The following RYR1 variants were observed in gnomAD, a reference collection of about 807,000 sequenced individuals.
RYR1 encodes the protein central core disease of muscle.
Under a neutral mutation model 583.5 loss-of-function variants are expected in RYR1, and 342 were observed. That is an observed-to-expected ratio of 0.59 (90% CI 0.54 to 0.64). RYR1 has a LOEUF of 0.64. RYR1 is among the 30% of genes least tolerant of loss of function. RYR1 has a pLI of 0.00. For synonymous variants in RYR1, 2,791 were observed against 2,822.5 expected (o/e 0.99, Z 0.35); for missense variants, 6,032 against 6,917.2 (o/e 0.87, Z 4.54).
At chr19:38,534,669 G>GCTGGGCTGGAAAGC in intron 78 of RYR1, 51 bp from the exon 79 acceptor site, 1 of 1,511,872 alleles carries the variant, frequency 6.6e-7, no homozygotes, top group Middle Eastern at 1.7e-4. Flanking sequence ...AGGGGGAAAG[G>GCTGGGCTGGAAAGC]CTGGGCTGGA....
Position 38,467,670 on chromosome 19 carries a change from A to G in RYR1, c.3239A>G (p.Tyr1080Cys). The part of the protein sequence containing the change: ...RVRIFRAEKS[Y>C]TVQSGRWYFE... ...CGCATCTTCCGGGCAGAGAAATCCT[A>G]TACAGTGCAGAGCGGCCGCTGGTAC... Residue 1080 changes from tyrosine (Y) to cysteine (C), a missense_variant, in exon 25 of 106, where the codon TAT (tyrosine) becomes TGT (cysteine). By Grantham distance (194) the Tyr-to-Cys change is radical (BLOSUM62 -2). This residue lies in a region of RYR1 where 2,627 missense variants were observed against 2,961.3 expected (regional missense o/e 0.89). Transcript: ENST00000359596. 2 of 1,614,178 alleles carry G rather than the reference A, an allele frequency of 1.2e-6. No homozygotes were observed. Among genetic ancestry groups the G allele is most frequent in the Non-Finnish European group, 1.7e-6 (2 of 1,180,034 alleles).
At position 38,535,982 on chromosome 19, in the gene RYR1, C is replaced by G; in HGVS notation, c.11517-15C>G. ...CTTCATCACATACCCCCTATCTTTC[C>G]TTTCTTTTCCTCAGCGTCCTGGATC... is the stretch of plus-strand genomic sequence containing the variant. On this transcript the variant is annotated splice_polypyrimidine_tract_variant and intron_variant, in intron 81 of 105. Transcript: ENST00000359596. 1 of 1,612,674 alleles carries G rather than the reference C, an allele frequency of 6.2e-7. No homozygotes were observed. The highest frequency in any genetic ancestry group is 8.5e-7 in the Non-Finnish European group (1 of 1,179,530).
intron 96 of RYR1, among the ~76,000 whole-genome samples, chr19:38,574,019 A>G (rs1200291599): frequency 6.6e-6 from 1 of 152,058 alleles, no homozygotes; most frequent in Non-Finnish European, 1.5e-5. Flanking sequence ...GTGGCAGATC[A>G]CTTGAGGTCA....
intron 84 of RYR1, among the ~76,000 whole-genome samples, chr19:38,542,981 G>T (rs557201117): frequency 1.3e-5 from 2 of 151,572 alleles, no homozygotes; most frequent in East Asian, 3.9e-4. Context: ...AGTTAGGATT[G>T]CAGGTGCCCA....
chr19:38,443,449 C>A, intron 3 of RYR1, 109 bp from the exon 4 acceptor site: 1 of 959,100 alleles, frequency 1.0e-6, no homozygotes, highest in Non-Finnish European at 1.6e-6. Flanking sequence ...TAGGCCTGAG[C>A]ATGGTATTTT....
intron 101 of RYR1, among the ~76,000 whole-genome samples, chr19:38,584,681 C>T (rs1015633696): frequency 2.3e-5 from 3 of 130,954 alleles, no homozygotes; most frequent in Admixed American, 1.5e-4. Flanking sequence ...TCTGCCTGTG[C>T]CCCCCATCCT....
Position 38,536,023 on chromosome 19 carries a change from G to A in RYR1, c.11543G>A (p.Arg3848Lys), listed in dbSNP as rs1452778797. The change falls in exon 82 of 106, where the codon AGA becomes AAA. Residue 3848 changes from arginine to lysine, a missense_variant. This residue lies in a region of RYR1 where 1,493 missense variants were observed against 1,715.5 expected (regional missense o/e 0.87). Transcript: ENST00000359596. ...GTCCTGGATCTCAATGCCTTTGAGAGACAGAACAAGGCCGAGGGGCTGGGC... is the reference window on the plus strand; with the variant it reads ...GTCCTGGATCTCAATGCCTTTGAGAAACAGAACAAGGCCGAGGGGCTGGGC... ...CSVLDLNAFE[R>K]QNKAEGLGMV... 5.0e-6 allele frequency: 8 copies of A among 1,613,948 alleles called. No homozygotes were observed. Among genetic ancestry groups the A allele is most frequent in the Non-Finnish European group, 6.8e-6 (8 of 1,179,986 alleles).
chr19:38,444,160 T>C lies in RYR1; in HGVS notation c.436T>C (p.Trp146Arg). The C allele has an allele frequency of 6.2e-7, 1 of 1,613,900 alleles. No homozygotes were observed. Among genetic ancestry groups the C allele is most frequent in the Non-Finnish European group, 8.5e-7 (1 of 1,179,832 alleles). Reference protein sequence around the residue: ...LQEDATGEACWWTMHPASKQR... With the variant: ...LQEDATGEACRWTMHPASKQR... ...ATCCCCACCCATAGGAGAGGCTTGC[T>C]GGTGGACCATGCACCCAGCCTCCAA... The change falls in exon 6 of 106, where the codon TGG (tryptophan) becomes CGG (arginine). Residue 146 changes from tryptophan (W) to arginine (R), a missense_variant. By Grantham distance (101) the Trp-to-Arg change is moderately radical (BLOSUM62 -3). Transcript: ENST00000359596. This position sits in a 1 kb window ranked among gnomAD's most constrained non-coding sequence, Gnocchi z 5.1.
chr19:38,561,271 C>T lies in RYR1; in HGVS notation c.12441C>T (p.Thr4147=), dbSNP rs1416111897. 6.2e-7 allele frequency: 1 copy of T among 1,614,082 alleles called. No individual in the cohort carries two copies. Among genetic ancestry groups the T allele is most frequent in the Non-Finnish European group, 8.5e-7 (1 of 1,180,044 alleles). Residue 4147 remains threonine (T), a synonymous_variant, in exon 90 of 106, where the codon ACC becomes ACT. Coordinates refer to ENST00000359596, the MANE Select transcript of RYR1 (RefSeq NM_000540.3). The surrounding 1 kb of genome is among the most constrained non-coding windows in gnomAD (Gnocchi z 4.8). ...DIGFNVAVLL[T]NLSEHVPHDP... The stretch of plus-strand genomic sequence containing the variant: ...GCTTCAACGTGGCGGTGCTGCTGAC[C>T]AACCTGTCGGAGCATGTGCCGCATG...
At chr19:38,514,909 G>C in intron 63 of RYR1, 117 bp from the exon 64 acceptor site, 1 of 724,174 alleles carries the variant, frequency 1.4e-6, no homozygotes, top group Non-Finnish European at 2.5e-6. Flanking sequence ...ATGGAAGGCT[G>C]GCTGTACATC....
chr19:38,515,198 G>A (rs1448738156), intron 64 of RYR1, 91 bp downstream of exon 64: 4 of 1,002,386 alleles, frequency 4.0e-6, no homozygotes, highest in African/African-American at 3.2e-5. Context: ...GAAAAGCAGG[G>A]TAGATGTTAA....
At position 38,514,921 on chromosome 19, in the gene RYR1, G is replaced by A. The variant is rs1970888466; in HGVS notation, c.9473-105G>A. 12 of 757,502 alleles carry A rather than the reference G, an allele frequency of 1.6e-5. No individual in the cohort carries two copies. The East Asian group carries it at 3.1e-4, about 19-fold the overall frequency. 46.9% of individuals were successfully genotyped at this position (757,502 alleles called of 1,614,324 possible). On this transcript the variant is annotated intron_variant, in intron 63 of 105. Transcript: ENST00000359596. ...TACATGGAAGGCTGGCTGTACATCTGCTTGCTCTTCCCCACTGCATGGGCC... is the reference window on the plus strand; with the variant it reads ...TACATGGAAGGCTGGCTGTACATCTACTTGCTCTTCCCCACTGCATGGGCC...
chr19:38,557,713 A>T (rs1055464611), intron 89 of RYR1, among the ~76,000 whole-genome samples: 1 of 152,210 alleles, frequency 6.6e-6, no homozygotes, highest in Non-Finnish European at 1.5e-5. Flanking sequence ...CTGAGGCAAG[A>T]GAATCACTTG....
In RYR1 at chr19:38,458,208, C is replaced by G; in HGVS notation, c.2083C>G (p.Pro695Ala). The change falls in exon 18 of 106, where the codon CCT becomes GCT. Residue 695 changes from proline (P) to alanine (A), a missense_variant. Transcript: ENST00000359596. ...CCTCACCGAGGGCTACACCCCCTAC[C>G]CTGGGGCCGGCGAGGGCTGGGGCGG... The part of the protein sequence containing the change: ...WALTEGYTPY[P>A]GAGEGWGGNG... 6.2e-7 allele frequency: 1 copy of G among 1,613,970 alleles called. No homozygotes were observed. The highest frequency in any genetic ancestry group is 2.2e-5 in the East Asian group (1 of 44,876).
intron 104 of RYR1, 86 bp from the exon 105 acceptor site, chr19:38,586,439 A>G (rs1599677785): frequency 7.1e-7 from 1 of 1,409,228 alleles, no homozygotes; most frequent in South Asian, 1.2e-5. Flanking sequence ...TGGGCAACAT[A>G]GCAAGACTTC....
At chr19:38,525,239 A>G in intron 70 of RYR1, 93 bp from the exon 71 acceptor site, 1 of 1,505,046 alleles carries the variant, frequency 6.6e-7, no homozygotes, top group Non-Finnish European at 9.2e-7. Flanking sequence ...CCTGGTGTCC[A>G]GACTGGGGCC....
chr19:38,444,586 C>A lies in RYR1; in HGVS notation c.540C>A (p.His180Gln), dbSNP rs1600643675. Residue 180 changes from histidine to glutamine, a missense_variant and splice_region_variant, in exon 7 of 106, where the codon CAC becomes CAA. By Grantham distance (24) the His-to-Gln change is conservative. Around this residue, in one of 11 missense-constraint regions of RYR1, gnomAD observed 338 missense variants for 441.6 expected, o/e 0.77. Transcript: ENST00000359596. The surrounding 1 kb of genome is among the most constrained non-coding windows in gnomAD (Gnocchi z 5.1). ...TGCCGCATCCTGGTGGCCCCCAGCA[C>A]CTGTCGACCGCCAGTGGGGAGCTCC... ...LVSVSSERYL[H>Q]LSTASGELQV... 6.2e-7 allele frequency: 1 copy of A among 1,613,476 alleles called. No homozygotes were observed. The highest frequency in any genetic ancestry group is 1.3e-5 in the African/African-American group (1 of 75,004).
chr19:38,463,995 G>A, intron 22 of RYR1, 145 bp downstream of exon 22: 1 of 707,244 alleles, frequency 1.4e-6, no homozygotes, highest in African/African-American at 1.7e-5. Flanking sequence ...AATGGGGAGT[G>A]GCCGGGCACG....
intron 67 of RYR1, 44 bp downstream of exon 67, chr19:38,519,498 C>G: frequency 6.4e-7 from 1 of 1,559,840 alleles, no homozygotes; most frequent in Non-Finnish European, 8.7e-7. Flanking sequence ...CCCCGACCTC[C>G]CACGTCCTCC....
Sources: allele counts gnomAD v4.1 joint callset (sites outside exome capture counted in the v4.1 genomes callset), GRCh38; gene constraint gnomAD v4.1.1; regional missense constraint gnomAD v4.1.1; non-coding constraint Gnocchi (gnomAD v3.1); transcripts MANE v1.5; gene names NCBI Gene and HGNC (gene_info 2026-07-23, HGNC 2026-07-21).